Variants in MED13L observed in about 807,000 individuals in gnomAD.
MED13L encodes the protein mediator of RNA polymerase II transcription subunit 13-like.
A neutral mutation model predicts 220.9 loss-of-function variants in MED13L; 7 were observed. The ratio of observed to expected loss-of-function variants is 0.03; its 90% confidence interval spans 0.02 to 0.06. The LOEUF (loss-of-function observed/expected upper bound fraction) is 0.06, where lower values mean the gene tolerates loss of function less well. MED13L is among the 10% of genes least tolerant of loss of function. MED13L has a pLI of 1.00. For synonymous variants in MED13L, 1,011 were observed against 1,015.2 expected (o/e 1.00, Z 0.08); for missense variants, 1,965 against 2,760.5 (o/e 0.71, Z 6.46).
In MED13L at chr12:116,163,157, T is replaced by G. The variant is rs532356511; in HGVS notation, c.311-51645A>C. On this transcript the variant is annotated intron_variant, in intron 2 of 30. Transcript: ENST00000281928. ...TATTTCTTCTCAAATAGTTACAAAATACAAACAAAACTGCCTAATATATTC... is the reference window on the plus strand; with the variant it reads ...TATTTCTTCTCAAATAGTTACAAAAGACAAACAAAACTGCCTAATATATTC... Among the ~76,000 whole-genome samples, 5 of 152,282 alleles carry G rather than the reference T, an allele frequency of 3.3e-5. No individual in the cohort carries two copies. In the East Asian group the frequency reaches 5.8e-4, roughly 18 times the overall value.
intron 2 of MED13L, among the ~76,000 whole-genome samples, chr12:116,145,687 T>TTATG (rs1877437057): frequency 7.2e-6 from 1 of 137,976 alleles, no homozygotes; most frequent in Non-Finnish European, 1.5e-5. Flanking sequence ...ATTTATTTAT[T>TTATG]TATTTATTTA....
chr12:116,062,778 C>T (rs1308419815), intron 4 of MED13L, among the ~76,000 whole-genome samples: 2 of 152,104 alleles, frequency 1.3e-5, no homozygotes, highest in East Asian at 1.9e-4. Flanking sequence ...GGGGAAAACA[C>T]CAAAGTGGCC....
intron 17 of MED13L, among the ~76,000 whole-genome samples, chr12:115,990,241 C>T (rs749652692): frequency 1.2e-4 from 18 of 152,318 alleles, no homozygotes; most frequent in Non-Finnish European, 1.5e-4. Flanking sequence ...ACTTCTACAA[C>T]GAAGTCTTCT....
At chr12:116,259,956 A>G (rs1317720859) in intron 1 of MED13L, among the ~76,000 whole-genome samples, 2 of 152,258 alleles carry the variant, frequency 1.3e-5, no homozygotes, top group African/African-American at 2.4e-5. Context: ...TGAATAAAGA[A>G]TTCTATTTAC....
chr12:116,220,146 GAACTAAAGCTGT>G (rs1883225723), intron 2 of MED13L, among the ~76,000 whole-genome samples: 1 of 152,014 alleles, frequency 6.6e-6, no homozygotes, highest in South Asian at 2.1e-4. Flanking sequence ...CTGCCTAAGT[GAACTAAAGCTGT>G]AACAGACTAG....
At position 116,012,803 on chromosome 12, in the gene MED13L, CAAG is replaced by C. The variant is rs1203962273; in HGVS notation, c.1271_1273del (p.Ser424del). 1 of 1,611,426 alleles carries C rather than the reference CAAG, an allele frequency of 6.2e-7. No homozygotes were observed. The highest frequency in any genetic ancestry group is 1.1e-5 in the South Asian group (1 of 91,020). On this transcript the variant is annotated inframe_deletion, in exon 9 of 31. Coordinates refer to ENST00000281928, the MANE Select transcript of MED13L (RefSeq NM_015335.5). ...TGCCTTTTTTATTACCTACCTGGAA[CAAG>C]AACAGCTGACTCTTTGGGTTGGATC...
At chr12:116,023,462 C>G (rs778656549) in intron 4 of MED13L, among the ~76,000 whole-genome samples, 3 of 152,036 alleles carry the variant, frequency 2.0e-5, no homozygotes, top group Non-Finnish European at 4.4e-5. Flanking sequence ...TAAAGCCAAG[C>G]AACCACAATT....
intron 30 of MED13L, chr12:115,962,753 G>C (rs1875855069): frequency 6.4e-6 from 1 of 155,136 alleles, no homozygotes; most frequent in Non-Finnish European, 1.4e-5. Flanking sequence ...ACACATAATC[G>C]GTGGCTCATG....
chr12:116,074,923 C>T (rs1426326377), intron 4 of MED13L, among the ~76,000 whole-genome samples: 1 of 152,216 alleles, frequency 6.6e-6, no homozygotes, highest in Admixed American at 6.5e-5. Flanking sequence ...TATTTAAATA[C>T]CCTGCTTAGA....
In MED13L at chr12:116,074,071, C is replaced by T. The variant is rs544638024; in HGVS notation, c.479+22598G>A. The stretch of plus-strand genomic sequence containing the variant: ...TTGCAGTTTTCTCCCCAATCCCATA[C>T]CTTAAATAAAACATACTGTTAAACA... On this transcript the variant is annotated intron_variant, in intron 4 of 30. Transcript: ENST00000281928. Among the ~76,000 whole-genome samples the T allele has an allele frequency of 6.6e-5, 10 of 152,294 alleles. No homozygotes were observed. In the South Asian group the frequency reaches 1.9e-3, roughly 28 times the overall value.
chr12:116,192,215 T>C (rs1256872487), intron 2 of MED13L, among the ~76,000 whole-genome samples: 1 of 152,208 alleles, frequency 6.6e-6, no homozygotes, highest in Non-Finnish European at 1.5e-5. Flanking sequence ...CCCCATCCCT[T>C]ATGTAGCCAA....
intron 1 of MED13L, among the ~76,000 whole-genome samples, chr12:116,269,216 G>A (rs963407332): frequency 2.0e-5 from 3 of 151,814 alleles, no homozygotes; most frequent in Non-Finnish European, 4.4e-5. Context: ...ACACCACCAC[G>A]CCCAGCTACT....
intron 3 of MED13L, among the ~76,000 whole-genome samples, chr12:116,109,252 G>A (rs1873878114): frequency 6.6e-6 from 1 of 150,920 alleles, no homozygotes; most frequent in Non-Finnish European, 1.5e-5. Context: ...TAAAATTTCT[G>A]TAGATACATG....
At chr12:115,968,919 C>T (rs1228735729) in intron 28 of MED13L, 21 bp downstream of exon 28, 13 of 1,613,512 alleles carry the variant, frequency 8.1e-6, no homozygotes, top group Admixed American at 5.0e-5. Flanking sequence ...TCTTAAACAA[C>T]GTACTCCAAA....
chr12:115,979,149 T>C (rs1346421540), intron 23 of MED13L, among the ~76,000 whole-genome samples: 3 of 152,246 alleles, frequency 2.0e-5, no homozygotes, highest in Non-Finnish European at 4.4e-5. Flanking sequence ...TCAGCAAATA[T>C]TTATAACATT....
At chr12:116,254,301 A>G (rs1393880532) in intron 1 of MED13L, among the ~76,000 whole-genome samples, 1 of 152,126 alleles carries the variant, frequency 6.6e-6, no homozygotes, top group African/African-American at 2.4e-5. Context: ...CCCATCTATA[A>G]TTGCAGATAA....
chr12:116,099,596 T>C (rs1872895691), intron 3 of MED13L, among the ~76,000 whole-genome samples: 1 of 151,906 alleles, frequency 6.6e-6, no homozygotes, highest in African/African-American at 2.4e-5. Flanking sequence ...CTACAGAGAG[T>C]ATAATATGAA....
In MED13L at chr12:115,996,545, C is replaced by G. The variant is rs1300474826; in HGVS notation, c.2927G>C (p.Trp976Ser). 2 of 1,614,134 alleles carry G rather than the reference C, an allele frequency of 1.2e-6. No individual in the cohort carries two copies. The highest frequency in any genetic ancestry group is 1.7e-6 in the Non-Finnish European group (2 of 1,180,020). Residue 976 changes from tryptophan (W) to serine (S), a missense_variant, in exon 16 of 31, where the codon TGG (tryptophan) becomes TCG (serine). Around this residue, in one of 10 missense-constraint regions of MED13L, gnomAD observed 233 missense variants for 306.2 expected, o/e 0.76. Coordinates refer to ENST00000281928, the MANE Select transcript of MED13L (RefSeq NM_015335.5). ...IPDACLFRPS[W>S]AIPPKIEQLP... is the part of the protein sequence containing the mutation. ...TTGTTCAATTTTAGGAGGAATTGCC[C>G]ATGAAGGCCGAAACAGACAGGCATC... is the stretch of plus-strand genomic sequence containing the variant.
At chr12:116,249,267 A>C (rs888862117) in intron 1 of MED13L, among the ~76,000 whole-genome samples, 1 of 152,340 alleles carries the variant, frequency 6.6e-6, no homozygotes, top group Admixed American at 6.5e-5. Context: ...GGAGGAAACC[A>C]GTGCTAGCAT....
Sources: gnomAD v4.1 joint callset for allele counts (sites outside exome capture counted in the v4.1 genomes callset) on GRCh38, gnomAD v4.1.1 for gene constraint, gnomAD v4.1.1 regional missense constraint, MANE v1.5 for transcripts, NCBI Gene and HGNC (gene_info 2026-07-23, HGNC 2026-07-21) for gene names.